The following MPP2 variants were observed in gnomAD, a reference collection of about 807,000 sequenced individuals.
MPP2 encodes the protein MAGUK p55 subfamily member 2.
Under a neutral mutation model 58.5 loss-of-function variants are expected in MPP2, and 42 were observed. That is an observed-to-expected ratio of 0.72 (90% confidence interval 0.56 to 0.93). MPP2 has a LOEUF of 0.93. MPP2 is among the 40% of genes least tolerant of loss of function. MPP2 has a pLI of 0.00. For missense variants in MPP2, 632 were observed against 760.4 expected, an observed-to-expected ratio of 0.83 and a Z score of 1.99; for synonymous variants, 300 against 307.8, an observed-to-expected ratio of 0.97 and a Z score of 0.26.
Position 43,898,249 on chromosome 17 carries a change from T to C in MPP2, c.150+13A>G. On this transcript the variant is annotated intron_variant, in intron 3 of 12. Coordinates refer to ENST00000269095, the MANE Select transcript of MPP2 (RefSeq NM_005374.5). ...CACAGTGCCCTTGTGCCCACCTCCC[T>C]GGAGCACTGTACCTTGGCCAGGGAT... 6.2e-7 allele frequency: 1 copy of C among 1,603,452 alleles called. No individual in the cohort carries two copies. Among genetic ancestry groups the C allele is most frequent in the Non-Finnish European group, 8.5e-7 (1 of 1,170,252 alleles).
chr17:43,904,576 G>A, intron 1 of MPP2, 83 bp from the exon 2 acceptor site: 10 of 1,237,014 alleles, frequency 8.1e-6, no homozygotes, highest in East Asian at 7.3e-5. Flanking sequence ...CCTTCAGGAC[G>A]AGCCAGAAAG....
At chr17:43,883,817 A>ATC (rs1024568564) in intron 3 of MPP2, among the ~76,000 whole-genome samples, 1 of 152,152 alleles carries the variant, frequency 6.6e-6, no homozygotes, top group African/African-American at 2.4e-5. Flanking sequence ...CCCTCAACTC[A>ATC]GTGTTCCCAG....
intron 1 of MPP2, chr17:43,905,227 A>G (rs1300867141): frequency 1.3e-5 from 2 of 152,214 alleles, no homozygotes; most frequent in African/African-American, 4.8e-5. Context: ...AATTTGAGCC[A>G]AAGTAGAAAA....
intron 2 of MPP2, chr17:43,901,467 C>T (rs1024560288): frequency 9.1e-6 from 9 of 985,470 alleles, no homozygotes; most frequent in East Asian, 1.1e-4. Flanking sequence ...AGCTCCGCTC[C>T]GGTGACCCCA....
At chr17:43,895,036 A>C (rs946768588) in intron 3 of MPP2, among the ~76,000 whole-genome samples, 5 of 152,182 alleles carry the variant, frequency 3.3e-5, no homozygotes, top group Non-Finnish European at 7.4e-5. Context: ...ATCTCTAGGC[A>C]GTGGTTACCT....
Position 43,879,314 on chromosome 17 carries a change from C to A in MPP2, c.1443G>T (p.Arg481Ser). The A allele has an allele frequency of 6.2e-7, 1 of 1,614,202 alleles. No homozygotes were observed. The highest frequency in any genetic ancestry group is 2.2e-5 in the East Asian group (1 of 44,886). Residue 481 changes from arginine (R) to serine (S), a missense_variant, in exon 12 of 13, where the codon AGG (arginine) becomes AGT (serine). Physicochemically the swap from Arg to Ser is moderately radical, Grantham distance 110 (BLOSUM62 -1). Coordinates refer to ENST00000269095, the MANE Select transcript of MPP2 (RefSeq NM_005374.5). This position sits in a 1 kb window ranked among gnomAD's most constrained non-coding sequence, Gnocchi z 4.1. ...PDFETLRAMN[R>S]AALESGISTK... is the part of the protein sequence containing the mutation. ...TGGATATTCCACTCTCCAGCGCAGC[C>A]CTGTTCATGGCCCGCAGGGTCTCGA...
At position 43,880,252 on chromosome 17, in the gene MPP2, C is replaced by G. The variant is rs1038718301; in HGVS notation, c.1151-268G>C. ...GAAAGGGCAATGTACAGCCCAAAGC[C>G]ACACAGCAAGAGCCAAGCAGACCAG... On this transcript the variant is annotated intron_variant, in intron 10 of 12. Transcript: ENST00000269095. This position sits in a 1 kb window ranked among gnomAD's most constrained non-coding sequence, Gnocchi z 5.2. 5.9e-5 allele frequency among the ~76,000 whole-genome samples: 9 copies of G among 152,150 alleles called. No individual in the cohort carries two copies. The highest frequency in any genetic ancestry group is 1.3e-4 in the Admixed American group (2 of 15,282).
chr17:43,901,078 GTTTCCTTTACAA>G, intron 2 of MPP2, among the ~76,000 whole-genome samples: 1 of 152,248 alleles, frequency 6.6e-6, no homozygotes, highest in Admixed American at 6.5e-5. Flanking sequence ...TCCAGGCCCT[GTTTCCTTTACAA>G]TAGTCCCTCA....
chr17:43,886,187 G>A (rs1469801772), intron 3 of MPP2, among the ~76,000 whole-genome samples: 1 of 151,846 alleles, frequency 6.6e-6, no homozygotes, highest in Non-Finnish European at 1.5e-5. Context: ...GATACCCTAG[G>A]GCTTTTATTT....
chr17:43,879,434 T>C lies in MPP2; in HGVS notation c.1354-31A>G. The C allele has an allele frequency of 1.2e-6, 2 of 1,612,504 alleles. No individual in the cohort carries two copies. Among genetic ancestry groups the C allele is most frequent in the South Asian group, 1.1e-5 (1 of 90,916 alleles). ...GAAGGAGAAGGCAAGGTAGGGAGTA[T>C]ATCCCCATGTCTGTCCTAGGAACCA... On this transcript the variant is annotated intron_variant, in intron 11 of 12. Coordinates refer to ENST00000269095, the MANE Select transcript of MPP2 (RefSeq NM_005374.5). The surrounding 1 kb of genome is among the most constrained non-coding windows in gnomAD (Gnocchi z 4.1).
rs568319066 is a variant in MPP2, at chr17:43,879,694, A to G, written c.1353+88T>C. ...GCAAAGGGGGTACATGGGCGTGTTC[A>G]GGTGACAGGTGTCTGGAACTATATG... On this transcript the variant is annotated intron_variant, in intron 11 of 12. Transcript: ENST00000269095. This position sits in a 1 kb window ranked among gnomAD's most constrained non-coding sequence, Gnocchi z 4.1. 32 of 1,440,512 alleles carry G rather than the reference A, an allele frequency of 2.2e-5. No individual in the cohort carries two copies. In the South Asian group the frequency reaches 3.6e-4, roughly 16 times the overall value. 89.2% of individuals were successfully genotyped at this position (1,440,512 alleles called of 1,614,324 possible). A position where few individuals can be genotyped will look rare whatever the true frequency, so the allele number is the denominator to read the frequency against.
chr17:43,908,487 C>T (rs779200886), upstream of MPP2, among the ~76,000 whole-genome samples: 1 of 152,230 alleles, frequency 6.6e-6, no homozygotes, highest in Admixed American at 6.5e-5. Flanking sequence ...ATAATCCCAA[C>T]ACTTTGGGAG....
intron 3 of MPP2, among the ~76,000 whole-genome samples, chr17:43,887,313 G>A (rs1294675616): frequency 6.6e-6 from 1 of 152,178 alleles, no homozygotes; most frequent in Non-Finnish European, 1.5e-5. Context: ...GAACCCAGGA[G>A]ATTGAGGCTG....
intron 2 of MPP2, 86 bp downstream of exon 2, chr17:43,904,344 G>A: frequency 7.7e-7 from 1 of 1,300,364 alleles, no homozygotes. Context: ...GTTCTTATCT[G>A]GAGCTGTGCA....
chr17:43,879,714 T>C lies in MPP2; in HGVS notation c.1353+68A>G. On this transcript the variant is annotated intron_variant, in intron 11 of 12. Transcript: ENST00000269095. This position sits in a 1 kb window ranked among gnomAD's most constrained non-coding sequence, Gnocchi z 4.1. Reference sequence around the variant, plus strand: ...TGTTCAGGTGACAGGTGTCTGGAACTATATGGGGGAGCAATGAGGCAGCAG... The same window carrying C: ...TGTTCAGGTGACAGGTGTCTGGAACCATATGGGGGAGCAATGAGGCAGCAG... 6.4e-7 allele frequency: 1 copy of C among 1,557,658 alleles called. No individual in the cohort carries two copies. The highest frequency in any genetic ancestry group is 8.8e-7 in the Non-Finnish European group (1 of 1,139,844).
intron 3 of MPP2, among the ~76,000 whole-genome samples, chr17:43,890,130 A>T (rs2047545081): frequency 6.6e-6 from 1 of 152,132 alleles, no homozygotes; most frequent in East Asian, 1.9e-4. Context: ...TATGACATAA[A>T]AAAAGGGGGG....
Position 43,882,979 on chromosome 17 carries a change from G to C in MPP2, c.377C>G (p.Pro126Arg), listed in dbSNP as rs979422171. 6.8e-6 allele frequency: 11 copies of C among 1,614,136 alleles called. No individual in the cohort carries two copies. Among genetic ancestry groups the C allele is most frequent in the Non-Finnish European group, 9.3e-6 (11 of 1,180,022 alleles). Residue 126 changes from proline (P) to arginine (R), a missense_variant, in exon 5 of 13, where the codon CCT becomes CGT. By Grantham distance (103) the Pro-to-Arg change is moderately radical. Transcript: ENST00000269095. Reference sequence around the variant, plus strand: ...AGGTACAGGCTGGTTGCTGAATGTAGGGTCCAGGCCAGGGCTGGGGGGTGG... The same window carrying C: ...AGGTACAGGCTGGTTGCTGAATGTACGGTCCAGGCCAGGGCTGGGGGGTGG... ...ETPPPSPGLD[P>R]TFSNQPVPPD...
chr17:43,899,725 C>A, intron 2 of MPP2, among the ~76,000 whole-genome samples: 1 of 152,050 alleles, frequency 6.6e-6, no homozygotes, highest in Non-Finnish European at 1.5e-5. Context: ...AAACTCTCAG[C>A]CCGAAATGGG....
At chr17:43,907,647 G>A (rs2048346592), upstream of MPP2, 2 of 985,532 alleles carry the variant, frequency 2.0e-6, no homozygotes, top group Non-Finnish European at 2.4e-6. Flanking sequence ...ACAACTCGGA[G>A]GAAGTAGTCT....
Sources: allele counts gnomAD v4.1 joint callset (sites outside exome capture counted in the v4.1 genomes callset), GRCh38; gene constraint gnomAD v4.1.1; non-coding constraint Gnocchi (gnomAD v3.1); transcripts MANE v1.5; gene names NCBI Gene and HGNC (gene_info 2026-07-23, HGNC 2026-07-21).